Variants in L3MBTL4 observed in about 807,000 individuals in gnomAD.
The protein encoded by L3MBTL4 is lethal(3)malignant brain tumor-like protein 4.
L3MBTL4 carries 70 observed loss-of-function variants against 84.5 expected under a neutral mutation model. The ratio of observed to expected loss-of-function variants is 0.83; its 90% confidence interval spans 0.68 to 1.01. L3MBTL4 has a LOEUF of 1.01. L3MBTL4 is among the 50% of genes least tolerant of loss of function. L3MBTL4 has a pLI of 0.00. For missense variants in L3MBTL4, 715 were observed against 754.8 expected (o/e 0.95, Z 0.62); for synonymous variants, 274 against 259.8 (o/e 1.05, Z -0.52).
At chr18:6,330,105 A>G (rs1020758826) in intron 1 of L3MBTL4, among the ~76,000 whole-genome samples, 65 of 152,208 alleles carry the variant, frequency 4.3e-4, no homozygotes, top group Non-Finnish European at 1.3e-4. Flanking sequence ...GATACTACAA[A>G]TAATGCTACT....
chr18:6,290,087 AT>A (rs1223293605), intron 4 of L3MBTL4, among the ~76,000 whole-genome samples: 1 of 151,982 alleles, frequency 6.6e-6, no homozygotes, highest in Non-Finnish European at 1.5e-5. Flanking sequence ...CACCCGGCTA[AT>A]TTTGTTTATT....
intron 1 of L3MBTL4, among the ~76,000 whole-genome samples, chr18:6,336,270 CA>C (rs1397103643): frequency 1.3e-5 from 2 of 151,802 alleles, no homozygotes; most frequent in African/African-American, 2.4e-5. Context: ...AGGAGAAACT[CA>C]GAGAGATAAT....
Position 6,350,508 on chromosome 18 carries a change from C to A in L3MBTL4, c.-90-38452G>T, listed in dbSNP as rs566508528. Reference sequence around the variant, plus strand: ...ATCATGAAAAAATACAAATCAAAACCACAATGAGATACCACTTTACACATA... The same window carrying A: ...ATCATGAAAAAATACAAATCAAAACAACAATGAGATACCACTTTACACATA... On this transcript the variant is annotated intron_variant, in intron 1 of 18. Transcript: ENST00000317931. 7.3e-5 allele frequency among the ~76,000 whole-genome samples: 11 copies of A among 150,874 alleles called. No individual in the cohort carries two copies. In the South Asian group the frequency reaches 2.3e-3, roughly 32 times the overall value.
chr18:6,100,171 T>G (rs74714059), intron 14 of L3MBTL4, among the ~76,000 whole-genome samples: 1 of 152,184 alleles, frequency 6.6e-6, no homozygotes, highest in Non-Finnish European at 1.5e-5. Context: ...GATAATAATA[T>G]CTTACAGGGT....
chr18:6,196,628 A>G (rs1377663699), intron 12 of L3MBTL4, among the ~76,000 whole-genome samples: 1 of 152,214 alleles, frequency 6.6e-6, no homozygotes, highest in East Asian at 1.9e-4. Flanking sequence ...CCAAAAGAAA[A>G]TGTCCAAAGC....
intron 16 of L3MBTL4, among the ~76,000 whole-genome samples, chr18:5,979,639 C>A (rs1207900230): frequency 2.0e-5 from 3 of 152,104 alleles, no homozygotes; most frequent in Non-Finnish European, 4.4e-5. Context: ...CATTTTTTTC[C>A]TCCAATCCTT....
chr18:6,392,655 A>G (rs2055106000), intron 1 of L3MBTL4, among the ~76,000 whole-genome samples: 1 of 152,256 alleles, frequency 6.6e-6, no homozygotes, highest in Non-Finnish European at 1.5e-5. Context: ...AAGATGTATC[A>G]AAGACTTAAG....
chr18:6,163,306 T>G (rs999005384), intron 13 of L3MBTL4, among the ~76,000 whole-genome samples: 3 of 83,366 alleles, frequency 3.6e-5, no homozygotes, highest in East Asian at 7.1e-4. Context: ...TGTGTGTGTG[T>G]GGGTGGGTGT....
intron 4 of L3MBTL4, among the ~76,000 whole-genome samples, chr18:6,284,814 G>A (rs1426412569): frequency 6.6e-6 from 1 of 152,234 alleles, no homozygotes; most frequent in Non-Finnish European, 1.5e-5. Flanking sequence ...AGCGACCTTG[G>A]CCTCGAGCCC....
intron 1 of L3MBTL4, among the ~76,000 whole-genome samples, chr18:6,382,649 G>A (rs1409112497): frequency 6.6e-6 from 1 of 152,214 alleles, no homozygotes; most frequent in African/African-American, 2.4e-5. Context: ...AGAGGCTGCA[G>A]AACAGCAAAG....
At chr18:6,239,271 G>A (rs999870829) in intron 9 of L3MBTL4, among the ~76,000 whole-genome samples, 29 of 149,522 alleles carry the variant, frequency 1.9e-4, no homozygotes, top group African/African-American at 6.9e-4. Context: ...AACCCGGGAG[G>A]CGAAGCTTGC....
intron 16 of L3MBTL4, among the ~76,000 whole-genome samples, chr18:6,039,557 G>A (rs934643349): frequency 6.6e-6 from 1 of 151,678 alleles, no homozygotes; most frequent in African/African-American, 2.4e-5. Context: ...CTCTTATTTG[G>A]AGTTGTGCAG....
At chr18:6,289,827 A>G (rs11660266) in intron 4 of L3MBTL4, among the ~76,000 whole-genome samples, 28,749 of 152,154 alleles carry the variant, frequency 0.19, 2,855 homozygotes, top group African/African-American at 0.24. Flanking sequence ...GTCCTCATGA[A>G]TTGCTACATA....
At chr18:6,335,981 T>G (rs2052316142) in intron 1 of L3MBTL4, among the ~76,000 whole-genome samples, 1 of 152,222 alleles carries the variant, frequency 6.6e-6, no homozygotes. Context: ...CCTTCATTCA[T>G]GTATTAAATC....
At chr18:6,133,624 C>G (rs1164536141) in intron 14 of L3MBTL4, among the ~76,000 whole-genome samples, 1 of 152,064 alleles carries the variant, frequency 6.6e-6, no homozygotes, top group East Asian at 1.9e-4. Context: ...GGTAGCTAGG[C>G]AGACATGAGC....
At chr18:5,979,938 C>A (rs2053128565) in intron 16 of L3MBTL4, among the ~76,000 whole-genome samples, 1 of 152,180 alleles carries the variant, frequency 6.6e-6, no homozygotes, top group African/African-American at 2.4e-5. Flanking sequence ...TGACAGCCAC[C>A]TGGGCTCTGC....
chr18:6,368,648 C>A (rs2054031214), intron 1 of L3MBTL4, among the ~76,000 whole-genome samples: 1 of 152,124 alleles, frequency 6.6e-6, no homozygotes, highest in African/African-American at 2.4e-5. Context: ...ACCAAGTGGT[C>A]CCTTGACTTT....
intron 16 of L3MBTL4, among the ~76,000 whole-genome samples, chr18:5,982,100 T>G (rs750382759): frequency 6.6e-6 from 1 of 151,930 alleles, no homozygotes; most frequent in East Asian, 1.9e-4. Context: ...GAACAAATTA[T>G]GAAGCAAAGG....
chr18:6,297,019 A>G (rs1347256771), intron 4 of L3MBTL4, among the ~76,000 whole-genome samples: 2 of 152,204 alleles, frequency 1.3e-5, no homozygotes, highest in African/African-American at 2.4e-5. Context: ...GTCTAAGTCA[A>G]TCTTCAAGTG....
Sources: gnomAD v4.1 joint callset for allele counts (sites outside exome capture counted in the v4.1 genomes callset) on GRCh38, gnomAD v4.1.1 for gene constraint, MANE v1.5 for transcripts, NCBI Gene and HGNC (gene_info 2026-07-23, HGNC 2026-07-21) for gene names.